KCND2: variants seen among roughly 807,000 people sequenced by gnomAD.
KCND2 encodes the protein potassium voltage-gated channel subfamily D member 2.
A neutral mutation model predicts 54.4 loss-of-function variants in KCND2; 16 were observed. The ratio of observed to expected loss-of-function variants is 0.29; its 90% CI spans 0.20 to 0.45. The LOEUF (loss-of-function observed/expected upper bound fraction) is 0.45, where lower values mean the gene tolerates loss of function less well. Ranked by LOEUF, KCND2 falls within the 20% of genes least tolerant of loss-of-function variation. The pLI is 1.00. For synonymous variants in KCND2, 317 were observed against 310.7 expected (o/e 1.02, Z -0.21); for missense variants, 486 against 824.2 (o/e 0.59, Z 5.02).
chr7:120,314,636 G>A (rs1230414235), intron 1 of KCND2, among the ~76,000 whole-genome samples: 4 of 152,098 alleles, frequency 2.6e-5, no homozygotes, highest in Admixed American at 6.6e-5. Context: ...GTCAGGGCCC[G>A]TATAAGCGAT....
intron 1 of KCND2, among the ~76,000 whole-genome samples, chr7:120,310,674 G>A (rs189748198): frequency 6.6e-6 from 1 of 152,118 alleles, no homozygotes; most frequent in Non-Finnish European, 1.5e-5. Context: ...TGGCTCACGT[G>A]GTGGCTCATC....
chr7:120,747,957 C>A lies in KCND2; in HGVS notation c.*99C>A. ...ACAATAAATATTCTGCAGATTAATG[C>A]AGCAAAGAAAGAAGGTTGGTAGTGA... On this transcript the variant is annotated 3_prime_UTR_variant, in exon 6 of 6. Coordinates refer to ENST00000331113, the MANE Select transcript of KCND2 (RefSeq NM_012281.3). The A allele has an allele frequency of 1.0e-6, 1 of 990,902 alleles. No homozygotes were observed. Among genetic ancestry groups the A allele is most frequent in the Non-Finnish European group, 1.5e-6 (1 of 649,798 alleles). 61.4% of individuals were successfully genotyped at this position (990,902 alleles called of 1,614,324 possible).
Position 120,676,810 on chromosome 7 carries a change from A to G in KCND2, c.1116-56093A>G, listed in dbSNP as rs1004596423. On this transcript the variant is annotated intron_variant, in intron 1 of 5. Transcript: ENST00000331113. ...TTCGAAATGTAATGACCAAAATGCT[A>G]ACTAATACAACCATTTGATGATGCT... Among the ~76,000 whole-genome samples, 27 of 152,302 alleles carry G rather than the reference A, an allele frequency of 1.8e-4. No individual in the cohort carries two copies. The South Asian group carries it at 3.1e-3, about 18-fold the overall frequency.
intron 1 of KCND2, among the ~76,000 whole-genome samples, chr7:120,672,550 A>C (rs1792005056): frequency 6.6e-6 from 1 of 151,970 alleles, no homozygotes. Flanking sequence ...CGTCCACAAT[A>C]ACACTTCACT....
chr7:120,305,788 A>G (rs1324977226), intron 1 of KCND2, among the ~76,000 whole-genome samples: 1 of 152,112 alleles, frequency 6.6e-6, no homozygotes, highest in East Asian at 1.9e-4. Flanking sequence ...TACAGTATTT[A>G]TAAACTCTTA....
chr7:120,678,777 T>TATATATATAC (rs1335291654), intron 1 of KCND2, among the ~76,000 whole-genome samples: 5 of 122,518 alleles, frequency 4.1e-5, no homozygotes, highest in African/African-American at 8.6e-5. Flanking sequence ...TATATATATA[T>TATATATATAC]ACACATAAAC....
intron 1 of KCND2, among the ~76,000 whole-genome samples, chr7:120,345,021 G>C (rs1445418320): frequency 6.6e-6 from 1 of 152,180 alleles, no homozygotes; most frequent in East Asian, 1.9e-4. Context: ...AGGTCAAAGA[G>C]AGAAGCCCTC....
chr7:120,528,673 G>C (rs1214564924), intron 1 of KCND2, among the ~76,000 whole-genome samples: 1 of 152,094 alleles, frequency 6.6e-6, no homozygotes, highest in East Asian at 1.9e-4. Flanking sequence ...TACACATTTT[G>C]CTGCAATGAT....
rs1792827295 is a variant in KCND2, at chr7:120,733,070, G to A, written c.1278+5G>A. 6 of 1,613,164 alleles carry A rather than the reference G, an allele frequency of 3.7e-6. No homozygotes were observed. The highest frequency in any genetic ancestry group is 2.2e-5 in the South Asian group (2 of 91,052). On this transcript the variant is annotated splice_donor_5th_base_variant and intron_variant, in intron 2 of 5. Transcript: ENST00000331113. ...GACAAACGAAGGGCACAAAAGGTGC[G>A]TATTCAACTCCGTGCAACCATGGTT...
At chr7:120,353,132 A>ATTTTTTTTTTTT (rs1491194211) in intron 1 of KCND2, among the ~76,000 whole-genome samples, 1 of 75,038 alleles carries the variant, frequency 1.3e-5, no homozygotes. Context: ...AAATACTTTT[A>ATTTTTTTTTTTT]CTTTTTTTTT....
At chr7:120,685,132 G>A (rs1027482307) in intron 1 of KCND2, among the ~76,000 whole-genome samples, 15 of 152,010 alleles carry the variant, frequency 9.9e-5, no homozygotes, top group South Asian at 2.1e-4. Flanking sequence ...AAAAAGTTTC[G>A]GGACTGCTGG....
intron 1 of KCND2, among the ~76,000 whole-genome samples, chr7:120,403,795 G>GT (rs1801307624): frequency 6.6e-6 from 1 of 151,916 alleles, no homozygotes; most frequent in African/African-American, 2.4e-5. Context: ...ATTTTAAAAT[G>GT]TTTTTTCCAG....
intron 1 of KCND2, among the ~76,000 whole-genome samples, chr7:120,644,373 C>T (rs544514331): frequency 6.6e-6 from 1 of 152,206 alleles, no homozygotes; most frequent in African/African-American, 2.4e-5. Context: ...TTTAACAAAT[C>T]TAGAAAGGTA....
chr7:120,376,094 A>G (rs1173648469), intron 1 of KCND2, among the ~76,000 whole-genome samples: 1 of 151,852 alleles, frequency 6.6e-6, no homozygotes, highest in East Asian at 1.9e-4. Flanking sequence ...AGAAACTATT[A>G]AAGATAATAG....
intron 1 of KCND2, among the ~76,000 whole-genome samples, chr7:120,442,670 A>G (rs1801960987): frequency 6.6e-6 from 1 of 152,110 alleles, no homozygotes; most frequent in Non-Finnish European, 1.5e-5. Context: ...CACCCATCTA[A>G]GAAGTCACAC....
At chr7:120,338,574 G>A (rs1800185556) in intron 1 of KCND2, among the ~76,000 whole-genome samples, 2 of 151,738 alleles carry the variant, frequency 1.3e-5, no homozygotes, top group African/African-American at 4.8e-5. Flanking sequence ...TATAGGCCTA[G>A]TATTTCTTGG....
intron 1 of KCND2, among the ~76,000 whole-genome samples, chr7:120,380,353 A>G (rs920630285): frequency 4.6e-5 from 7 of 152,050 alleles, no homozygotes; most frequent in African/African-American, 1.7e-4. Flanking sequence ...GTTTCCATTT[A>G]TAAAGCACTG....
intron 1 of KCND2, among the ~76,000 whole-genome samples, chr7:120,330,355 G>A (rs919090316): frequency 6.6e-6 from 1 of 152,076 alleles, no homozygotes; most frequent in African/African-American, 2.4e-5. Context: ...TGAAGCAGGT[G>A]AATCACCTGA....
Position 120,274,841 on chromosome 7 carries a change from C to G in KCND2, c.209C>G (p.Ser70Cys). Residue 70 changes from serine (S) to cysteine (C), a missense_variant, in exon 1 of 6, where the codon TCT becomes TGT. Around this residue, in one of 7 missense-constraint regions of KCND2, gnomAD observed 231 missense variants for 386.0 expected, o/e 0.60. Transcript: ENST00000331113. ...ERYPDTLLGS[S>C]ERDFFYHPET... Reference sequence around the variant, plus strand: ...TACCCAGACACTCTACTGGGCAGTTCTGAGAGGGACTTTTTCTACCACCCA... The same window carrying G: ...TACCCAGACACTCTACTGGGCAGTTGTGAGAGGGACTTTTTCTACCACCCA... 2 of 1,614,134 alleles carry G rather than the reference C, an allele frequency of 1.2e-6. No individual in the cohort carries two copies. The highest frequency in any genetic ancestry group is 8.5e-7 in the Non-Finnish European group (1 of 1,180,026).
Sources: allele counts gnomAD v4.1 joint callset (sites outside exome capture counted in the v4.1 genomes callset), GRCh38; gene constraint gnomAD v4.1.1; regional missense constraint gnomAD v4.1.1; transcripts MANE v1.5; gene names NCBI Gene and HGNC (gene_info 2026-07-23, HGNC 2026-07-21).